FBXO8: variants seen among roughly 807,000 people sequenced by gnomAD.
FBXO8 encodes the protein F-box protein 8, also known as F-box only protein 8.
Under a neutral mutation model 33.4 loss-of-function variants are expected in FBXO8, and 15 were observed. The observed-to-expected ratio is 0.45, with a 90% CI of 0.30 to 0.69. FBXO8 has a LOEUF of 0.69. FBXO8 is among the 30% of genes least tolerant of loss of function. The pLI is 0.08. For missense variants in FBXO8, 274 were observed against 380.3 expected (o/e 0.72, Z 2.32); for synonymous variants, 132 against 131.5 (o/e 1.00, Z -0.02).
rs1210499820 is a variant in FBXO8 at position 174,239,152 on chromosome 4, A to C, written c.614T>G (p.Phe205Cys). 6.3e-7 allele frequency: 1 copy of C among 1,595,190 alleles called. No individual in the cohort carries two copies. The highest frequency in any genetic ancestry group is 1.4e-5 in the African/African-American group (1 of 74,022). ...VLDDLVTLHN[F>C]RNQFLPNALR... ...TGCATTTGGCAAGAACTGATTTCTAAAATTATGCAATGTTACAAGGTCATC... is the reference window on the plus strand; with the variant it reads ...TGCATTTGGCAAGAACTGATTTCTACAATTATGCAATGTTACAAGGTCATC... The change falls in exon 5 of 6, where the codon TTT becomes TGT. Residue 205 changes from phenylalanine to cysteine, a missense_variant. By Grantham distance (205) the Phe-to-Cys change is radical. Transcript: ENST00000393674.
At chr4:174,271,286 T>C (rs1048859147) in intron 1 of FBXO8, among the ~76,000 whole-genome samples, 1 of 152,126 alleles carries the variant, frequency 6.6e-6, no homozygotes. Flanking sequence ...AAGCAGAAGC[T>C]TATGTACCTT....
rs892636150 is a variant in FBXO8, at chr4:174,237,268, T to C, written c.*144A>G. ...CCAAGGAAATTACTAAAATAGAAAATGGCAAAAGAAAAAAAGGTTGCACAC... is the reference window on the plus strand; with the variant it reads ...CCAAGGAAATTACTAAAATAGAAAACGGCAAAAGAAAAAAAGGTTGCACAC... On this transcript the variant is annotated 3_prime_UTR_variant, in exon 6 of 6. Transcript: ENST00000393674. The surrounding 1 kb of genome is among the most constrained non-coding windows in gnomAD (Gnocchi z 4.4). 4 of 613,110 alleles carry C rather than the reference T, an allele frequency of 6.5e-6. No homozygotes were observed. The African/African-American group carries it at 7.4e-5, about 11-fold the overall frequency. The allele number at this position is 613,110 out of a possible 1,614,324, so 38.0% of individuals were successfully genotyped here.
In FBXO8 at chr4:174,274,633, C is replaced by T; in HGVS notation, c.-9+8777G>A. Reference sequence around the variant, plus strand: ...TGTAAGTACTAAAATAAGGAACTGACTCCACACAATAGGTTACATGAATAA... The same window carrying T: ...TGTAAGTACTAAAATAAGGAACTGATTCCACACAATAGGTTACATGAATAA... On this transcript the variant is annotated intron_variant, in intron 1 of 5. Transcript: ENST00000393674. The surrounding 1 kb of genome is among the most constrained non-coding windows in gnomAD (Gnocchi z 4.0). Among the ~76,000 whole-genome samples, 1 of 152,150 alleles carries T rather than the reference C, an allele frequency of 6.6e-6. No individual in the cohort carries two copies. The highest frequency in any genetic ancestry group is 1.9e-4 in the East Asian group (1 of 5,194).
intron 1 of FBXO8, among the ~76,000 whole-genome samples, chr4:174,264,995 A>G (rs1736659935): frequency 6.6e-6 from 1 of 152,134 alleles, no homozygotes; most frequent in Non-Finnish European, 1.5e-5. Context: ...AAAATACACA[A>G]ATGGCAAATA....
rs770302401 is a variant in FBXO8, at chr4:174,237,375, T to C, written c.*37A>G. The C allele has an allele frequency of 1.3e-6, 2 of 1,575,418 alleles. No individual in the cohort carries two copies. Among genetic ancestry groups the C allele is most frequent in the Non-Finnish European group, 1.7e-6 (2 of 1,153,934 alleles). ...CTGCTAAGTCCTTGGGTAGCTTTAGTCTGAAGTAAAAACTGAAGTCCTAGC... is the reference window on the plus strand; with the variant it reads ...CTGCTAAGTCCTTGGGTAGCTTTAGCCTGAAGTAAAAACTGAAGTCCTAGC... On this transcript the variant is annotated 3_prime_UTR_variant, in exon 6 of 6. Transcript: ENST00000393674. The surrounding 1 kb of genome is among the most constrained non-coding windows in gnomAD (Gnocchi z 4.4).
At chr4:174,268,326 G>A (rs1359820032) in intron 1 of FBXO8, among the ~76,000 whole-genome samples, 3 of 152,180 alleles carry the variant, frequency 2.0e-5, no homozygotes, top group African/African-American at 7.2e-5. Flanking sequence ...CTATAACTCA[G>A]GCTTGAATGA....
At chr4:174,248,994 C>G (rs541134379) in intron 3 of FBXO8, among the ~76,000 whole-genome samples, 136 of 152,008 alleles carry the variant, frequency 8.9e-4, no homozygotes, top group African/African-American at 2.4e-3. Context: ...GCTTATTTTT[C>G]AAGAGAGAAA....
At position 174,237,084 on chromosome 4, in the gene FBXO8, G is replaced by C. The variant is rs953266338; in HGVS notation, c.*328C>G. ...TGGTATTTGTATAAAGAATGGAAAT[G>C]GATAAAGTTTTTCAGGCAAATCTAA... On this transcript the variant is annotated 3_prime_UTR_variant, in exon 6 of 6. Transcript: ENST00000393674. This position sits in a 1 kb window ranked among gnomAD's most constrained non-coding sequence, Gnocchi z 4.4. 1 of 199,774 alleles carries C rather than the reference G, an allele frequency of 5.0e-6. No individual in the cohort carries two copies. The highest frequency in any genetic ancestry group is 1.0e-5 in the Non-Finnish European group (1 of 97,736). 12.4% of individuals were successfully genotyped at this position (199,774 alleles called of 1,614,324 possible).
At chr4:174,268,720 G>A (rs1184730930) in intron 1 of FBXO8, among the ~76,000 whole-genome samples, 5 of 152,212 alleles carry the variant, frequency 3.3e-5, no homozygotes, top group East Asian at 3.9e-4. Flanking sequence ...ACAGGCGTGA[G>A]CCACCGCGCC....
At chr4:174,266,587 CA>C (rs1736699177) in intron 1 of FBXO8, among the ~76,000 whole-genome samples, 1 of 152,090 alleles carries the variant, frequency 6.6e-6, no homozygotes, top group African/African-American at 2.4e-5. Context: ...TTAAAACTCT[CA>C]AAATGACGTG....
At chr4:174,244,154 G>A (rs759324991) in intron 3 of FBXO8, among the ~76,000 whole-genome samples, 2 of 151,428 alleles carry the variant, frequency 1.3e-5, no homozygotes, top group East Asian at 3.9e-4. Flanking sequence ...TCTTTTGGGG[G>A]GCTATGGACC....
Position 174,267,044 on chromosome 4 carries a change from T to C in FBXO8, c.-8-3944A>G, listed in dbSNP as rs1736711143. 6.6e-6 allele frequency among the ~76,000 whole-genome samples: 1 copy of C among 152,210 alleles called. No individual in the cohort carries two copies. The highest frequency in any genetic ancestry group is 1.5e-5 in the Non-Finnish European group (1 of 68,032). ...GCCTCTACACACAATTCACCTCCTT[T>C]AGTTATTTCATATTGTGACCATGTT... On this transcript the variant is annotated intron_variant, in intron 1 of 5. Coordinates refer to ENST00000393674, the MANE Select transcript of FBXO8 (RefSeq NM_012180.3). The surrounding 1 kb of genome is among the most constrained non-coding windows in gnomAD (Gnocchi z 4.7).
rs529142056 is a variant in FBXO8 at position 174,251,483 on chromosome 4, G to A, written c.456+8216C>T. 6.6e-6 allele frequency among the ~76,000 whole-genome samples: 1 copy of A among 152,222 alleles called. No individual in the cohort carries two copies. Among genetic ancestry groups the A allele is most frequent in the African/African-American group, 2.4e-5 (1 of 41,538 alleles). ...AGAAAAGGGAAAAGGAGGGTGGCTG[G>A]GATAGAGTATGGTTAGGGTAAGGTG... On this transcript the variant is annotated intron_variant, in intron 3 of 5. Transcript: ENST00000393674. This position sits in a 1 kb window ranked among gnomAD's most constrained non-coding sequence, Gnocchi z 4.2.
chr4:174,248,114 T>C (rs1178583147), intron 3 of FBXO8, among the ~76,000 whole-genome samples: 2 of 152,088 alleles, frequency 1.3e-5, no homozygotes, highest in Non-Finnish European at 2.9e-5. Context: ...TAGGTGTCTA[T>C]GTTTTTATCC....
chr4:174,249,125 C>A (rs1320262894), intron 3 of FBXO8, among the ~76,000 whole-genome samples: 1 of 151,952 alleles, frequency 6.6e-6, no homozygotes, highest in Non-Finnish European at 1.5e-5. Flanking sequence ...TTCTAATATC[C>A]CCCAAAAGAA....
chr4:174,266,794 G>A (rs186958773), intron 1 of FBXO8, among the ~76,000 whole-genome samples: 24 of 152,234 alleles, frequency 1.6e-4, no homozygotes, highest in Non-Finnish European at 2.6e-4. Context: ...AATGTCTATA[G>A]CTCAAAAAGC....
chr4:174,280,615 CA>C (rs1224966774), intron 1 of FBXO8, among the ~76,000 whole-genome samples: 1 of 151,970 alleles, frequency 6.6e-6, no homozygotes, highest in African/African-American at 2.4e-5. Context: ...AATGGATAAG[CA>C]AAATGTGGCT....
At chr4:174,282,245 T>C (rs1219447414) in intron 1 of FBXO8, among the ~76,000 whole-genome samples, 1 of 152,224 alleles carries the variant, frequency 6.6e-6, no homozygotes. Flanking sequence ...TAGAAGTTAC[T>C]ATAATATTTT....
intron 3 of FBXO8, among the ~76,000 whole-genome samples, chr4:174,246,522 C>T (rs1268100394): frequency 6.6e-6 from 1 of 151,656 alleles, no homozygotes; most frequent in Admixed American, 6.6e-5. Flanking sequence ...TGAGTATTGT[C>T]CACTCACTTG....
Sources: gnomAD v4.1 joint callset for allele counts (sites outside exome capture counted in the v4.1 genomes callset) on GRCh38, gnomAD v4.1.1 for gene constraint, Gnocchi (gnomAD v3.1) non-coding constraint, MANE v1.5 for transcripts, NCBI Gene and HGNC (gene_info 2026-07-23, HGNC 2026-07-21) for gene names.